Variants in MYO6 observed in about 807,000 individuals in gnomAD.
MYO6 encodes unconventional myosin-VI.
MYO6 carries 74 observed loss-of-function variants against 178.7 expected under a neutral mutation model. The ratio of observed to expected loss-of-function variants is 0.41; its 90% CI spans 0.34 to 0.50. MYO6 has a LOEUF of 0.50. MYO6 is among the 20% of genes least tolerant of loss of function. The probability of loss-of-function intolerance (pLI) is 0.09; values close to 1 mark genes in which losing one functional copy is unlikely to be tolerated. For missense variants in MYO6, 1,330 were observed against 1,547.4 expected (o/e 0.86, Z 2.36); for synonymous variants, 477 against 504.6 (o/e 0.95, Z 0.73).
chr6:75,771,963 T>C (rs144931249), intron 1 of MYO6, among the ~76,000 whole-genome samples: 81 of 152,350 alleles, frequency 5.3e-4, no homozygotes, highest in African/African-American at 1.9e-3. Context: ...ATGTATGGTA[T>C]CTTGTGGAGG....
intron 4 of MYO6, 147 bp downstream of exon 4, chr6:75,828,760 GA>G (rs1772754573): frequency 1.6e-6 from 1 of 636,782 alleles, no homozygotes; most frequent in Non-Finnish European, 2.8e-6. Flanking sequence ...TGAGGACAAA[GA>G]TTTTTTTCTA....
At chr6:75,780,204 G>C (rs1766819097) in intron 1 of MYO6, among the ~76,000 whole-genome samples, 2 of 152,224 alleles carry the variant, frequency 1.3e-5, no homozygotes, top group Admixed American at 1.3e-4. Context: ...ATTTTGGGAG[G>C]CTGAGGGGGG....
intron 34 of MYO6, among the ~76,000 whole-genome samples, 158 bp from the exon 35 acceptor site, chr6:75,914,654 AT>A (rs1171617404): frequency 1.3e-5 from 2 of 152,156 alleles, no homozygotes; most frequent in Non-Finnish European, 2.9e-5. Context: ...ACAAATTTTA[AT>A]TGTTTCTGGT....
intron 1 of MYO6, among the ~76,000 whole-genome samples, chr6:75,793,000 C>T (rs1310763008): frequency 6.6e-6 from 1 of 151,734 alleles, no homozygotes; most frequent in Non-Finnish European, 1.5e-5. Context: ...TCATGTTGAC[C>T]AGGCTTGTCT....
intron 1 of MYO6, among the ~76,000 whole-genome samples, chr6:75,769,767 G>A (rs1778760766): frequency 6.6e-6 from 1 of 152,230 alleles, no homozygotes; most frequent in African/African-American, 2.4e-5. Context: ...GGGCATGGTG[G>A]CACATGCCTG....
At chr6:75,848,118 A>C (rs1774903845) in intron 10 of MYO6, among the ~76,000 whole-genome samples, 1 of 152,114 alleles carries the variant, frequency 6.6e-6, no homozygotes, top group Non-Finnish European at 1.5e-5. Flanking sequence ...TTTTAATTGA[A>C]ATTTTTACGG....
chr6:75,793,558 C>T (rs959345752), intron 1 of MYO6, among the ~76,000 whole-genome samples: 9 of 151,572 alleles, frequency 5.9e-5, no homozygotes, highest in African/African-American at 1.5e-4. Flanking sequence ...GAGCCAAGAT[C>T]GTACCACTAC....
intron 7 of MYO6, among the ~76,000 whole-genome samples, chr6:75,838,887 C>T (rs1773921300): frequency 6.6e-6 from 1 of 151,822 alleles, no homozygotes; most frequent in Non-Finnish European, 1.5e-5. Flanking sequence ...ATCTCAAACT[C>T]CTGACCCCAT....
chr6:75,863,548 C>A (rs755891475), intron 16 of MYO6, among the ~76,000 whole-genome samples: 7 of 151,626 alleles, frequency 4.6e-5, no homozygotes, highest in Non-Finnish European at 8.8e-5. Context: ...TGCAATGGTG[C>A]GATCTCGGCT....
At chr6:75,821,187 T>C (rs781184845) in intron 2 of MYO6, among the ~76,000 whole-genome samples, 7 of 152,168 alleles carry the variant, frequency 4.6e-5, no homozygotes, top group Non-Finnish European at 8.8e-5. Flanking sequence ...CTCTTTGTCA[T>C]TGGCCTCCCC....
chr6:75,777,802 A>T (rs1320770112), intron 1 of MYO6, among the ~76,000 whole-genome samples: 1 of 152,170 alleles, frequency 6.6e-6, no homozygotes, highest in African/African-American at 2.4e-5. Context: ...TTTAGCTTAT[A>T]ATACAAAGAA....
intron 1 of MYO6, among the ~76,000 whole-genome samples, chr6:75,804,321 A>T (rs1296778639): frequency 6.6e-6 from 1 of 152,214 alleles, no homozygotes; most frequent in African/African-American, 2.4e-5. Context: ...ATTTTCTCAC[A>T]GTATCTGGAT....
intron 1 of MYO6, among the ~76,000 whole-genome samples, chr6:75,777,040 C>G (rs925346778): frequency 6.6e-6 from 1 of 152,134 alleles, no homozygotes; most frequent in Non-Finnish European, 1.5e-5. Flanking sequence ...TTTTTCCTCT[C>G]TTAACAGTGC....
At chr6:75,821,848 CTT>C (rs1224626610) in intron 2 of MYO6, among the ~76,000 whole-genome samples, 9 of 152,242 alleles carry the variant, frequency 5.9e-5, no homozygotes, top group African/African-American at 2.2e-4. Flanking sequence ...TTTGTTCTCT[CTT>C]ATGAGATGTT....
chr6:75,752,070 G>A (rs1054534551), intron 1 of MYO6, among the ~76,000 whole-genome samples: 50 of 150,884 alleles, frequency 3.3e-4, no homozygotes, highest in African/African-American at 1.2e-3. Context: ...TTGGGTCACT[G>A]CAACCTCCGT....
intron 11 of MYO6, among the ~76,000 whole-genome samples, chr6:75,852,228 T>C (rs1562247866): frequency 1.3e-5 from 2 of 152,298 alleles, no homozygotes; most frequent in Non-Finnish European, 2.9e-5. Flanking sequence ...TTGAGAGCTA[T>C]ATAATTTTAG....
At chr6:75,881,598 A>C in intron 22 of MYO6, 91 bp from the exon 23 acceptor site, 1 of 1,309,842 alleles carries the variant, frequency 7.6e-7, no homozygotes, top group Non-Finnish European at 1.1e-6. Flanking sequence ...AGACAGTTAG[A>C]TTTTGGATTT....
intron 15 of MYO6, among the ~76,000 whole-genome samples, chr6:75,862,144 C>T (rs961941268): frequency 7.2e-5 from 11 of 152,116 alleles, no homozygotes; most frequent in South Asian, 2.1e-4. Context: ...GAATTTCAAA[C>T]GAATGGAAAG....
intron 30 of MYO6, among the ~76,000 whole-genome samples, chr6:75,904,576 T>C (rs964483606): frequency 6.6e-6 from 1 of 152,236 alleles, no homozygotes; most frequent in South Asian, 2.1e-4. Context: ...TTTTCAGCTC[T>C]ATCAGCTCCT....
Sources: gnomAD v4.1 joint callset for allele counts (sites outside exome capture counted in the v4.1 genomes callset) on GRCh38, gnomAD v4.1.1 for gene constraint, MANE v1.5 for transcripts, NCBI Gene and HGNC (gene_info 2026-07-23, HGNC 2026-07-21) for gene names.